The following RECQL5 variants were observed in gnomAD, a reference collection of about 807,000 sequenced individuals.
The protein encoded by RECQL5 is ATP-dependent DNA helicase Q5.
Under a neutral mutation model 103.4 loss-of-function variants are expected in RECQL5, and 88 were observed. That is an observed-to-expected ratio of 0.85 (90% CI 0.72 to 1.02). The LOEUF (loss-of-function observed/expected upper bound fraction) is 1.02, where lower values mean the gene tolerates loss of function less well. Among genes scored for constraint, RECQL5 ranks in the 50% least tolerant of loss-of-function variants. The pLI, the probability that RECQL5 is intolerant of heterozygous loss-of-function variation, is 0.00. For synonymous variants in RECQL5, 552 were observed against 507.9 expected (o/e 1.09, Z -1.17); for missense variants, 1,232 against 1,284.3 (o/e 0.96, Z 0.62).
rs949856015 is a variant in RECQL5, at chr17:75,640,104, C to T, written c.1230-8436G>A. ...GCGGATGGGTGCGAGGGTGGAATCT[C>T]GGTGCTGCGACGAGTGTGGGGCCAG... On this transcript the variant is annotated intron_variant, in intron 8 of 19. Coordinates refer to ENST00000317905, the MANE Select transcript of RECQL5 (RefSeq NM_004259.7). This position sits in a 1 kb window ranked among gnomAD's most constrained non-coding sequence, Gnocchi z 4.6. The T allele has an allele frequency of 1.2e-5, 17 of 1,426,484 alleles. No homozygotes were observed. Among genetic ancestry groups the T allele is most frequent in the Admixed American group, 5.5e-5 (2 of 36,494 alleles). The allele number at this position is 1,426,484 out of a possible 1,614,324, so 88.4% of individuals were successfully genotyped here.
Position 75,631,649 on chromosome 17 carries a change from C to T in RECQL5, c.1249G>A (p.Ala417Thr), listed in dbSNP as rs1324717460. 1.9e-6 allele frequency: 3 copies of T among 1,611,368 alleles called. No homozygotes were observed. In the South Asian group the frequency reaches 3.3e-5, roughly 18 times the overall value. The change falls in exon 9 of 20, where the codon GCC (alanine) becomes ACC (threonine). Residue 417 changes from alanine to threonine, a missense_variant. By Grantham distance (58) the Ala-to-Thr change is moderately conservative. Transcript: ENST00000317905. ...GGCAGCGCATCCCCGAAGTACTTGG[C>T]AATGGCGGCATGGCGGCACCTGGAG... ...EELGCRHAAIAKYFGDALPAC... is the reference protein window; with the variant it reads ...EELGCRHAAITKYFGDALPAC...
At position 75,631,572 on chromosome 17, in the gene RECQL5, C is replaced by T; in HGVS notation, c.1326G>A (p.Arg442=). Residue 442 remains arginine (R), a synonymous_variant, in exon 9 of 20, where the codon AGG becomes AGA. Coordinates refer to ENST00000317905, the MANE Select transcript of RECQL5 (RefSeq NM_004259.7). ...TGCTGCGCTCCAAGGCCTCCAGCCG[C>T]CTCCGCACGGCCGTGGGGTTCTGGC... is the stretch of plus-strand genomic sequence containing the variant. The part of the protein sequence containing the change: ...DHCQNPTAVR[R]RLEALERSSS... 1 of 1,613,064 alleles carries T rather than the reference C, an allele frequency of 6.2e-7. No individual in the cohort carries two copies. Among genetic ancestry groups the T allele is most frequent in the Non-Finnish European group, 8.5e-7 (1 of 1,179,940 alleles).
chr17:75,660,865 C>A, intron 6 of RECQL5, 90 bp downstream of exon 6: 1 of 925,836 alleles, frequency 1.1e-6, no homozygotes, highest in South Asian at 1.3e-5. Flanking sequence ...CTCGAAGGAG[C>A]ACATGCACCT....
In RECQL5 at chr17:75,629,229, CCTT is replaced by C. The variant is rs747803485; in HGVS notation, c.2191_2193del (p.Lys731del). On this transcript the variant is annotated inframe_deletion, in exon 16 of 20. Transcript: ENST00000317905. ...GAGCTGCCCCCAGAGGAACTTTTTG[CCTT>C]CTTCTCAGGGGAGGGCCCCCCATAG... 1 of 1,612,998 alleles carries C rather than the reference CCTT, an allele frequency of 6.2e-7. No individual in the cohort carries two copies. The highest frequency in any genetic ancestry group is 1.1e-5 in the South Asian group (1 of 91,078).
rs1324272254 is a variant in RECQL5 at position 75,627,510 on chromosome 17, G to C, written c.2888C>G (p.Ala963Gly). The C allele has an allele frequency of 6.2e-7, 1 of 1,613,906 alleles. No individual in the cohort carries two copies. Among genetic ancestry groups the C allele is most frequent in the Non-Finnish European group, 8.5e-7 (1 of 1,179,974 alleles). ...TSPGRSVKEE[A>G]QNLIRHFFHG... ...GAAGAAGTGCCTGATGAGGTTCTGG[G>C]CCTCTTCTTTCACTACAGATTCAGG... is the stretch of plus-strand genomic sequence containing the variant. The change falls in exon 20 of 20, where the codon GCC (alanine) becomes GGC (glycine). Residue 963 changes from alanine to glycine, a missense_variant. Physicochemically the swap from Ala to Gly is moderately conservative, Grantham distance 60. Coordinates refer to ENST00000317905, the MANE Select transcript of RECQL5 (RefSeq NM_004259.7).
At chr17:75,629,867 T>C (rs746066016) in intron 14 of RECQL5, 25 bp from the exon 15 acceptor site, 1 of 1,559,622 alleles carries the variant, frequency 6.4e-7, no homozygotes, top group Non-Finnish European at 8.7e-7. Context: ...GCAGGGAGGC[T>C]GTGGCACCCG....
intron 8 of RECQL5, 45 bp from the exon 9 acceptor site, chr17:75,631,713 C>T (rs761818675): frequency 3.7e-5 from 58 of 1,585,860 alleles, no homozygotes; most frequent in Non-Finnish European, 4.5e-5. Context: ...AGAGCCCAGT[C>T]GGCCAGCGTC....
At chr17:75,642,287 G>A (rs761403325) in intron 8 of RECQL5, among the ~76,000 whole-genome samples, 3 of 152,236 alleles carry the variant, frequency 2.0e-5, no homozygotes, top group African/African-American at 7.2e-5. Flanking sequence ...GCCTCAAGAA[G>A]TCTGTGTTTT....
chr17:75,651,314 C>G, intron 7 of RECQL5, 49 bp from the exon 8 acceptor site: 1 of 1,608,988 alleles, frequency 6.2e-7, no homozygotes, highest in Non-Finnish European at 8.5e-7. Flanking sequence ...ATTGGACTAC[C>G]TTAGAGCCAC....
At chr17:75,650,549 C>T in intron 8 of RECQL5, 3 of 1,519,328 alleles carry the variant, frequency 2.0e-6, no homozygotes, top group East Asian at 4.9e-5. Context: ...TCAGCGTCAT[C>T]CGACAGGATC....
At position 75,640,964 on chromosome 17, in the gene RECQL5, C is replaced by G; in HGVS notation, c.1230-9296G>C. The G allele has an allele frequency of 6.6e-7, 1 of 1,523,354 alleles. No homozygotes were observed. Among genetic ancestry groups the G allele is most frequent in the South Asian group, 1.2e-5 (1 of 83,148 alleles). 94.4% of individuals were successfully genotyped at this position (1,523,354 alleles called of 1,614,324 possible). A position where few individuals can be genotyped will look rare whatever the true frequency, so the allele number is the denominator to read the frequency against. ...CAATGCCATGACACAGGCCATCAGC[C>G]TGGCCCTGCAGCCCTTACCCCTCAA... On this transcript the variant is annotated intron_variant, in intron 8 of 19. Transcript: ENST00000317905. The surrounding 1 kb of genome is among the most constrained non-coding windows in gnomAD (Gnocchi z 4.6).
intron 8 of RECQL5, chr17:75,633,313 G>A (rs961436877): frequency 9.9e-6 from 6 of 607,934 alleles, no homozygotes; most frequent in African/African-American, 2.0e-5. Context: ...TTGACAGCGG[G>A]GCTGGGGTCG....
intron 9 of RECQL5, 72 bp from the exon 10 acceptor site, chr17:75,631,321 GC>G: frequency 6.5e-7 from 1 of 1,549,364 alleles, no homozygotes; most frequent in Non-Finnish European, 8.9e-7. Flanking sequence ...TGCTAGAACG[GC>G]AATGTCCCTG....
At chr17:75,651,619 A>C (rs1033963413) in intron 7 of RECQL5, among the ~76,000 whole-genome samples, 1 of 152,162 alleles carries the variant, frequency 6.6e-6, no homozygotes, top group Non-Finnish European at 1.5e-5. Context: ...AAAAGTAACA[A>C]GGGAGAAAAA....
At position 75,666,577 on chromosome 17, in the gene RECQL5, C is replaced by CA. The variant is rs772241352; in HGVS notation, c.-14-7dup. 7 of 1,613,028 alleles carry CA rather than the reference C, an allele frequency of 4.3e-6. No individual in the cohort carries two copies. Among genetic ancestry groups the CA allele is most frequent in the Non-Finnish European group, 5.1e-6 (6 of 1,179,768 alleles). ...GCTCATCTTAGCCAAGAACAGTGGC[C>CA]AAAGGTTAAGGCAAAGGTAGTAAAA... On this transcript the variant is annotated splice_polypyrimidine_tract_variant and splice_region_variant and intron_variant, in intron 1 of 19. Coordinates refer to ENST00000317905, the MANE Select transcript of RECQL5 (RefSeq NM_004259.7).
Position 75,667,082 on chromosome 17 carries a change from T to A in RECQL5, c.-53A>T. On this transcript the variant is annotated 5_prime_UTR_variant, in exon 1 of 20. Coordinates refer to ENST00000317905, the MANE Select transcript of RECQL5 (RefSeq NM_004259.7). ...GGTCCGCCCAAGAATTAAAGGCTGC[T>A]GGCTGGTTCCGGAACTGTTCGAAGA... 2.5e-6 allele frequency: 1 copy of A among 393,868 alleles called. No homozygotes were observed. The highest frequency in any genetic ancestry group is 6.2e-5 in the East Asian group (1 of 16,186). The allele number at this position is 393,868 out of a possible 1,614,324, so 24.4% of individuals were successfully genotyped here. A position where few individuals can be genotyped will look rare whatever the true frequency, so the allele number is the denominator to read the frequency against.
At chr17:75,628,599 A>C in intron 17 of RECQL5, 73 bp downstream of exon 17, 1 of 1,517,302 alleles carries the variant, frequency 6.6e-7, no homozygotes, top group South Asian at 1.3e-5. Flanking sequence ...TGACCCCTTG[A>C]GCAGGGCACA....
chr17:75,665,108 A>G lies in RECQL5; in HGVS notation c.195T>C (p.Pro65=). The G allele has an allele frequency of 6.2e-7, 1 of 1,612,620 alleles. No individual in the cohort carries two copies. The highest frequency in any genetic ancestry group is 8.5e-7 in the Non-Finnish European group (1 of 1,179,498). The part of the protein sequence containing the change: ...GAGKSLCYQL[P]ALLAKGITIV... Reference sequence around the variant, plus strand: ...TGGTGATGCCTTTGGCCAACAGAGCAGGGAGCTGATAGCATAGGGATTTTC... The same window carrying G: ...TGGTGATGCCTTTGGCCAACAGAGCGGGGAGCTGATAGCATAGGGATTTTC... Residue 65 remains proline (P), a synonymous_variant, in exon 3 of 20, where the codon CCT becomes CCC. Coordinates refer to ENST00000317905, the MANE Select transcript of RECQL5 (RefSeq NM_004259.7).
In RECQL5 at chr17:75,628,270, A is replaced by G. The variant is rs1404555172; in HGVS notation, c.2753T>C (p.Val918Ala). 8 of 1,614,042 alleles carry G rather than the reference A, an allele frequency of 5.0e-6. No homozygotes were observed. The highest frequency in any genetic ancestry group is 1.3e-5 in the African/African-American group (1 of 74,910). Reference protein sequence around the residue: ...PGVSLKEAANVVVKCLTPFYK... With the variant: ...PGVSLKEAANAVVKCLTPFYK... ...GAAAGGGGTGAGGCACTTGACCACA[A>G]CATTTGCAGCCTCCTTCAAGGAGAC... is the stretch of plus-strand genomic sequence containing the variant. Residue 918 changes from valine to alanine, a missense_variant, in exon 18 of 20, where the codon GTT (valine) becomes GCT (alanine). Physicochemically the swap from Val to Ala is moderately conservative, Grantham distance 64. Coordinates refer to ENST00000317905, the MANE Select transcript of RECQL5 (RefSeq NM_004259.7).
Sources: allele counts gnomAD v4.1 joint callset (sites outside exome capture counted in the v4.1 genomes callset), GRCh38; gene constraint gnomAD v4.1.1; non-coding constraint Gnocchi (gnomAD v3.1); transcripts MANE v1.5; gene names NCBI Gene and HGNC (gene_info 2026-07-23, HGNC 2026-07-21).